The following TMEM132E variants were observed in gnomAD, a reference collection of about 807,000 sequenced individuals.
TMEM132E encodes transmembrane protein 132E.
TMEM132E carries 49 observed loss-of-function variants against 78.5 expected under a neutral mutation model. The ratio of observed to expected loss-of-function variants is 0.62; its 90% CI spans 0.50 to 0.79. The LOEUF is 0.79. Among genes scored for constraint, TMEM132E ranks in the 30% least tolerant of loss-of-function variants. The pLI is 0.00. For synonymous variants in TMEM132E, 715 were observed against 670.6 expected, an observed-to-expected ratio of 1.07 and a Z score of -1.02; for missense variants, 1,403 against 1,470.9, an observed-to-expected ratio of 0.95 and a Z score of 0.75.
intron 1 of TMEM132E, among the ~76,000 whole-genome samples, chr17:34,624,666 G>A (rs776564879): frequency 4.6e-5 from 7 of 152,154 alleles, no homozygotes; most frequent in Non-Finnish European, 7.4e-5. Context: ...GTCCAGTTAC[G>A]CCACCAGCAG....
rs976105715 is a variant in TMEM132E, at chr17:34,639,224, C to T, written c.*992C>T. The T allele has an allele frequency of 1.3e-5, 2 of 152,600 alleles. No individual in the cohort carries two copies. The highest frequency in any genetic ancestry group is 4.8e-5 in the African/African-American group (2 of 41,426). The allele number at this position is 152,600 out of a possible 1,614,324, so 9.5% of individuals were successfully genotyped here. A position where few individuals can be genotyped will look rare whatever the true frequency, so the allele number is the denominator to read the frequency against. On this transcript the variant is annotated 3_prime_UTR_variant, in exon 9 of 9. Transcript: ENST00000631683. Reference sequence around the variant, plus strand: ...TACCCCATCCCACAGCCATTTTTCTCTCGGGTTCTACCCACCACTGTGTCG... The same window carrying T: ...TACCCCATCCCACAGCCATTTTTCTTTCGGGTTCTACCCACCACTGTGTCG...
At chr17:34,593,284 G>T (rs978066507) in intron 1 of TMEM132E, among the ~76,000 whole-genome samples, 3 of 151,762 alleles carry the variant, frequency 2.0e-5, no homozygotes, top group African/African-American at 4.8e-5. Context: ...AAATAAAAAC[G>T]TGTAATCAGT....
chr17:34,622,132 C>A (rs549125565), intron 1 of TMEM132E, among the ~76,000 whole-genome samples: 3 of 152,318 alleles, frequency 2.0e-5, no homozygotes, highest in African/African-American at 7.2e-5. Context: ...TGCACTCAAG[C>A]ACATATTTAG....
At chr17:34,621,741 C>T (rs1423344185) in intron 1 of TMEM132E, among the ~76,000 whole-genome samples, 1 of 152,132 alleles carries the variant, frequency 6.6e-6, no homozygotes, top group African/African-American at 2.4e-5. Context: ...CCCAGTGGAG[C>T]CAGGGTTCAG....
chr17:34,634,815 G>A lies in TMEM132E; in HGVS notation c.1705G>A (p.Glu569Lys), dbSNP rs369653624. Reference protein sequence around the residue: ...LPDRRSVRESEDEDEEEEERR... With the variant: ...LPDRRSVRESKDEDEEEEERR... ...CCACCCCAGGTCAGTCCGGGAAAGC[G>A]AGGATGAGGATGAGGAGGAGGAGGA... Residue 569 changes from glutamate (E) to lysine (K), a missense_variant, in exon 7 of 9, where the codon GAG (glutamate) becomes AAG (lysine). Glu to Lys is a moderately conservative substitution (Grantham distance 56). This residue lies in a region of TMEM132E where 888 missense variants were observed against 952.8 expected (regional missense o/e 0.93). Coordinates refer to ENST00000631683, the MANE Select transcript of TMEM132E (RefSeq NM_001304438.2). The A allele has an allele frequency of 2.2e-5, 35 of 1,613,598 alleles. No homozygotes were observed. Among genetic ancestry groups the A allele is most frequent in the Middle Eastern group, 1.7e-4 (1 of 6,054 alleles).
intron 2 of TMEM132E, 78 bp downstream of exon 2, chr17:34,627,135 G>C: frequency 5.5e-6 from 7 of 1,283,526 alleles, no homozygotes; most frequent in Non-Finnish European, 7.7e-6. Context: ...GGTGGGTTGG[G>C]GGGTGGGGGG....
intron 5 of TMEM132E, among the ~76,000 whole-genome samples, chr17:34,630,787 C>T (rs1907325529): frequency 6.6e-6 from 1 of 152,160 alleles, no homozygotes; most frequent in African/African-American, 2.4e-5. Context: ...GCTCCCACCC[C>T]ACCCCTGAGC....
intron 1 of TMEM132E, among the ~76,000 whole-genome samples, chr17:34,590,578 T>A (rs1905835699): frequency 6.6e-6 from 1 of 152,022 alleles, no homozygotes; most frequent in Non-Finnish European, 1.5e-5. Flanking sequence ...CAGCATCTAC[T>A]GTTTGTCTGA....
chr17:34,637,843 G>A lies in TMEM132E; in HGVS notation c.2836G>A (p.Val946Met). The A allele has an allele frequency of 1.2e-6, 2 of 1,610,478 alleles. No homozygotes were observed. The highest frequency in any genetic ancestry group is 1.7e-6 in the Non-Finnish European group (2 of 1,178,764). ...VFLGNGQPLR[V>M]QGELSPPAGN... ...CCTGGGCAACGGGCAGCCGCTGCGG[G>A]TGCAAGGAGAGCTGTCGCCGCCAGC... The change falls in exon 9 of 9, where the codon GTG (valine) becomes ATG (methionine). Residue 946 changes from valine to methionine, a missense_variant. Around this residue, in one of 3 missense-constraint regions of TMEM132E, gnomAD observed 888 missense variants for 952.8 expected, o/e 0.93. Transcript: ENST00000631683.
chr17:34,588,142 C>T (rs568424983), intron 1 of TMEM132E, among the ~76,000 whole-genome samples: 1 of 152,300 alleles, frequency 6.6e-6, no homozygotes, highest in African/African-American at 2.4e-5. Context: ...TTGCATGTCA[C>T]AGTCTTTGTG....
Position 34,636,016 on chromosome 17 carries a change from C to T in TMEM132E, c.1987C>T (p.Pro663Ser), listed in dbSNP as rs895738712. The change falls in exon 8 of 9, where the codon CCG becomes TCG. Residue 663 changes from proline to serine, a missense_variant. Coordinates refer to ENST00000631683, the MANE Select transcript of TMEM132E (RefSeq NM_001304438.2). ...TCCCGCTCTGCCTCAGGTGGTGTCTCCGCTGACGGAGGCTGTGCTCGGGGA... is the reference window on the plus strand; with the variant it reads ...TCCCGCTCTGCCTCAGGTGGTGTCTTCGCTGACGGAGGCTGTGCTCGGGGA... ...PGTTPFKVVSPLTEAVLGETL... is the reference protein window; with the variant it reads ...PGTTPFKVVSSLTEAVLGETL... 1 of 1,498,582 alleles carries T rather than the reference C, an allele frequency of 6.7e-7. No individual in the cohort carries two copies. Among genetic ancestry groups the T allele is most frequent in the African/African-American group, 1.4e-5 (1 of 69,662 alleles). The allele number at this position is 1,498,582 out of a possible 1,614,324, so 92.8% of individuals were successfully genotyped here. A position where few individuals can be genotyped will look rare whatever the true frequency, so the allele number is the denominator to read the frequency against.
At chr17:34,636,258 GC>G (rs1907519933) in intron 8 of TMEM132E, 60 bp downstream of exon 8, 1 of 1,370,730 alleles carries the variant, frequency 7.3e-7, no homozygotes, top group South Asian at 1.8e-5. Context: ...GAACTTGGGG[GC>G]TCTGCTTTGC....
Position 34,637,181 on chromosome 17 carries a change from C to G in TMEM132E, c.2174C>G (p.Ala725Gly). ...QQTLSFLKQEALLSLWLSYSD... is the reference protein window; with the variant it reads ...QQTLSFLKQEGLLSLWLSYSD... ...CTCCTTCTCCTTCTCCTCCAGGAAGCCCTACTGAGCCTCTGGCTCTCCTAC... is the reference window on the plus strand; with the variant it reads ...CTCCTTCTCCTTCTCCTCCAGGAAGGCCTACTGAGCCTCTGGCTCTCCTAC... Residue 725 changes from alanine to glycine, a missense_variant, in exon 9 of 9, where the codon GCC becomes GGC. This residue lies in a region of TMEM132E where 888 missense variants were observed against 952.8 expected (regional missense o/e 0.93). Coordinates refer to ENST00000631683, the MANE Select transcript of TMEM132E (RefSeq NM_001304438.2). The G allele has an allele frequency of 1.3e-6, 2 of 1,596,840 alleles. No homozygotes were observed. The highest frequency in any genetic ancestry group is 1.1e-5 in the South Asian group (1 of 90,328).
chr17:34,600,548 G>A (rs1350943015), intron 1 of TMEM132E, among the ~76,000 whole-genome samples: 2 of 151,986 alleles, frequency 1.3e-5, no homozygotes, highest in Admixed American at 1.3e-4. Flanking sequence ...TTGCCATGGG[G>A]CACCTGGATT....
At chr17:34,605,015 TC>T (rs1399181483) in intron 1 of TMEM132E, among the ~76,000 whole-genome samples, 1 of 152,194 alleles carries the variant, frequency 6.6e-6, no homozygotes, top group Non-Finnish European at 1.5e-5. Flanking sequence ...GCTGGAGACC[TC>T]TACTTTCTGT....
chr17:34,627,754 A>T (rs1463453870), intron 2 of TMEM132E, among the ~76,000 whole-genome samples: 1 of 152,196 alleles, frequency 6.6e-6, no homozygotes, highest in African/African-American at 2.4e-5. Context: ...GACCTGAAAC[A>T]TCACTATAAG....
In TMEM132E at chr17:34,626,190, C is replaced by T; in HGVS notation, c.131C>T (p.Pro44Leu). The change falls in exon 2 of 9, where the codon CCA becomes CTA. Residue 44 changes from proline (P) to leucine (L), a missense_variant. Coordinates refer to ENST00000631683, the MANE Select transcript of TMEM132E (RefSeq NM_001304438.2). ...GGGCCGCAGGCCAGCCCGGTGCTGC[C>T]AGTCAGCTACCGCCTGTCGCACACG... ...PPGPQASPVL[P>L]VSYRLSHTRL... 1 of 1,567,316 alleles carries T rather than the reference C, an allele frequency of 6.4e-7. No individual in the cohort carries two copies. Among genetic ancestry groups the T allele is most frequent in the Non-Finnish European group, 8.6e-7 (1 of 1,156,526 alleles).
chr17:34,633,391 C>G (rs1334994530), intron 6 of TMEM132E, among the ~76,000 whole-genome samples: 1 of 152,210 alleles, frequency 6.6e-6, no homozygotes, highest in Non-Finnish European at 1.5e-5. Flanking sequence ...CACATGTGTC[C>G]CAGCCTGGGC....
At chr17:34,636,290 T>C in intron 8 of TMEM132E, 92 bp downstream of exon 8, 2 of 1,226,722 alleles carry the variant, frequency 1.6e-6, no homozygotes, top group East Asian at 3.1e-5. Context: ...AGAGTCCCCA[T>C]ATTAGGGCTT....
Sources: allele counts gnomAD v4.1 joint callset (sites outside exome capture counted in the v4.1 genomes callset), GRCh38; gene constraint gnomAD v4.1.1; regional missense constraint gnomAD v4.1.1; transcripts MANE v1.5; gene names NCBI Gene and HGNC (gene_info 2026-07-23, HGNC 2026-07-21).